The following TRDMT1 variants were observed in gnomAD, a reference collection of about 807,000 sequenced individuals.
TRDMT1 encodes tRNA (cytosine(38)-C(5))-methyltransferase.
A neutral mutation model predicts 51.2 loss-of-function variants in TRDMT1; 49 were observed. The observed-to-expected ratio is 0.96, with a 90% CI of 0.76 to 1.21. The LOEUF (loss-of-function observed/expected upper bound fraction) is 1.21, where lower values mean the gene tolerates loss of function less well. Ranked by LOEUF, TRDMT1 falls within the 50% of genes most tolerant of loss-of-function variation. The probability of loss-of-function intolerance (pLI) is 0.00; values close to 1 mark genes in which losing one functional copy is unlikely to be tolerated. For synonymous variants in TRDMT1, 187 were observed against 164.6 expected, an observed-to-expected ratio of 1.14 and a Z score of -1.04; for missense variants, 534 against 462.3, an observed-to-expected ratio of 1.16 and a Z score of -1.42.
At chr10:17,160,416 G>A in intron 5 of TRDMT1, 42 bp from the exon 6 acceptor site, 2 of 1,322,108 alleles carry the variant, frequency 1.5e-6, no homozygotes, top group Non-Finnish European at 2.1e-6. Flanking sequence ...ACTTGGAAAG[G>A]CAGTTCTTAT....
chr10:17,175,435 G>A (rs185379043), intron 1 of TRDMT1, among the ~76,000 whole-genome samples: 46 of 152,204 alleles, frequency 3.0e-4, no homozygotes, highest in African/African-American at 1.0e-3. Flanking sequence ...AATTGTAGCC[G>A]TAGCTATATT....
chr10:17,154,486 C>T (rs560312713), intron 9 of TRDMT1, among the ~76,000 whole-genome samples, 191 bp downstream of exon 9: 106 of 152,018 alleles, frequency 7.0e-4, no homozygotes, highest in Admixed American at 2.2e-3. Flanking sequence ...TGTGCATATA[C>T]TCATGTAGAG....
rs372845365 is a variant in TRDMT1, at chr10:17,166,341, C to T, written c.251+2500G>A. On this transcript the variant is annotated intron_variant, in intron 3 of 10. Coordinates refer to ENST00000377799, the MANE Select transcript of TRDMT1 (RefSeq NM_004412.7). ...ACAATCAGAACACATGGACACAGGA[C>T]GGGGAACATCACACACCGGGGCCTG... 9.0e-5 allele frequency among the ~76,000 whole-genome samples: 11 copies of T among 122,838 alleles called. No homozygotes were observed. The East Asian group carries it at 1.5e-3, about 17-fold the overall frequency. 80.6% of individuals were successfully genotyped at this position (122,838 alleles called of 152,430 possible). A position where few individuals can be genotyped will look rare whatever the true frequency, so the allele number is the denominator to read the frequency against.
rs1837672112 is a variant in TRDMT1 at position 17,141,365 on chromosome 10, T to C, written c.*7675A>G. Among the ~76,000 whole-genome samples the C allele has an allele frequency of 6.6e-6, 1 of 152,140 alleles. No individual in the cohort carries two copies. Among genetic ancestry groups the C allele is most frequent in the African/African-American group, 2.4e-5 (1 of 41,410 alleles). On this transcript the variant is annotated 3_prime_UTR_variant, in exon 11 of 11. Coordinates refer to ENST00000377799, the MANE Select transcript of TRDMT1 (RefSeq NM_004412.7). ...TTAGTAGAGACGGGGTTTCACCATG[T>C]TGGAAAGGATGGTCTCTATCTCCTG...
At chr10:17,169,513 T>C (rs1314260660) in intron 2 of TRDMT1, 4 of 1,289,848 alleles carry the variant, frequency 3.1e-6, no homozygotes, top group Middle Eastern at 4.3e-4. Flanking sequence ...GCTAAGTAGC[T>C]GAAAACTGTG....
chr10:17,176,822 T>A (rs746314312), intron 1 of TRDMT1, among the ~76,000 whole-genome samples: 1 of 152,192 alleles, frequency 6.6e-6, no homozygotes, highest in Non-Finnish European at 1.5e-5. Flanking sequence ...TAGTATACAG[T>A]TTAAATCTAC....
At chr10:17,162,627 G>A (rs1399994622) in intron 3 of TRDMT1, among the ~76,000 whole-genome samples, 1 of 152,090 alleles carries the variant, frequency 6.6e-6, no homozygotes, top group Non-Finnish European at 1.5e-5. Flanking sequence ...CAGAACACTT[G>A]AGCCCGGGAG....
chr10:17,162,139 AG>A, intron 4 of TRDMT1, 26 bp downstream of exon 4: 1 of 1,578,288 alleles, frequency 6.3e-7, no homozygotes, highest in South Asian at 1.1e-5. Flanking sequence ...ATGAAAGGTA[AG>A]CTTGTACAGG....
At chr10:17,162,388 G>A in intron 3 of TRDMT1, 151 bp from the exon 4 acceptor site, 1 of 684,300 alleles carries the variant, frequency 1.5e-6, no homozygotes, top group South Asian at 2.1e-5. Context: ...TTGTTACAGA[G>A]AAGAAAATAC....
chr10:17,170,082 C>T (rs1479441077), intron 2 of TRDMT1, among the ~76,000 whole-genome samples: 3 of 152,170 alleles, frequency 2.0e-5, no homozygotes, highest in Admixed American at 6.5e-5. Flanking sequence ...AAACAACAAT[C>T]TCTCATAGCA....
chr10:17,179,365 C>G (rs972211976), intron 1 of TRDMT1, among the ~76,000 whole-genome samples: 1 of 152,078 alleles, frequency 6.6e-6, no homozygotes, highest in Non-Finnish European at 1.5e-5. Flanking sequence ...CAGCATTACC[C>G]TTAGTCCTGA....
At chr10:17,163,882 A>G (rs1840777935) in intron 3 of TRDMT1, among the ~76,000 whole-genome samples, 1 of 152,308 alleles carries the variant, frequency 6.6e-6, no homozygotes, top group African/African-American at 2.4e-5. Context: ...TTAATAGCTT[A>G]CCAACCAAAA....
Position 17,149,068 on chromosome 10 carries a change from G to A in TRDMT1, c.1148C>T (p.Ala383Val). The A allele has an allele frequency of 6.2e-7, 1 of 1,610,092 alleles. No individual in the cohort carries two copies. Among genetic ancestry groups the A allele is most frequent in the East Asian group, 2.2e-5 (1 of 44,698 alleles). The change falls in exon 11 of 11, where the codon GCT becomes GTT. Residue 383 changes from alanine (A) to valine (V), a missense_variant. Coordinates refer to ENST00000377799, the MANE Select transcript of TRDMT1 (RefSeq NM_004412.7). ...LGNSLNVHVV[A>V]KLIKILYE Reference sequence around the variant, plus strand: ...TTCATATAAGATTTTGATTAGTTTAGCTACTACATGCACGTTGAGACTATT... The same window carrying A: ...TTCATATAAGATTTTGATTAGTTTAACTACTACATGCACGTTGAGACTATT...
Position 17,145,174 on chromosome 10 carries a change from G to A in TRDMT1, c.*3866C>T, listed in dbSNP as rs995081228. On this transcript the variant is annotated 3_prime_UTR_variant, in exon 11 of 11. Transcript: ENST00000377799. Reference sequence around the variant, plus strand: ...AGGCAGGAAAATCACTTTAACCCAGGAGGGGGAGATTGCAGTGAGCCGAGA... The same window carrying A: ...AGGCAGGAAAATCACTTTAACCCAGAAGGGGGAGATTGCAGTGAGCCGAGA... 1.4e-6 allele frequency: 1 copy of A among 702,384 alleles called. No homozygotes were observed. The highest frequency in any genetic ancestry group is 1.7e-6 in the Non-Finnish European group (1 of 571,756). 43.5% of individuals were successfully genotyped at this position (702,384 alleles called of 1,614,324 possible). A position where few individuals can be genotyped will look rare whatever the true frequency, so the allele number is the denominator to read the frequency against.
intron 6 of TRDMT1, among the ~76,000 whole-genome samples, chr10:17,160,029 T>A (rs1840090370): frequency 6.6e-6 from 1 of 152,158 alleles, no homozygotes; most frequent in Non-Finnish European, 1.5e-5. Flanking sequence ...AATACCAAAC[T>A]TGACGTATTT....
intron 1 of TRDMT1, among the ~76,000 whole-genome samples, chr10:17,188,504 G>A (rs1236148575): frequency 5.3e-5 from 8 of 152,026 alleles, no homozygotes; most frequent in African/African-American, 1.9e-4. Context: ...ATAAAACAAC[G>A]AATCCCTGCT....
In TRDMT1 at chr10:17,145,360, T is replaced by C; in HGVS notation, c.*3680A>G. 1 of 985,418 alleles carries C rather than the reference T, an allele frequency of 1.0e-6. No homozygotes were observed. Among genetic ancestry groups the C allele is most frequent in the Non-Finnish European group, 1.2e-6 (1 of 829,928 alleles). 61.0% of individuals were successfully genotyped at this position (985,418 alleles called of 1,614,324 possible). A position where few individuals can be genotyped will look rare whatever the true frequency, so the allele number is the denominator to read the frequency against. On this transcript the variant is annotated 3_prime_UTR_variant, in exon 11 of 11. Coordinates refer to ENST00000377799, the MANE Select transcript of TRDMT1 (RefSeq NM_004412.7). ...GTGTGACAGAGGTCCAGAAAAGTGC[T>C]TGCTAAGAAGCTGATATGATAGTTG...
At chr10:17,151,347 A>G (rs3780962) in intron 10 of TRDMT1, 524,046 of 984,470 alleles carry the variant, frequency 0.53, 139,652 homozygotes, top group South Asian at 0.58. Context: ...TTTCACCCGT[A>G]AGGACAGGTT....
rs371259833 is a variant in TRDMT1, at chr10:17,157,907, T to C, written c.544-123A>G. The C allele has an allele frequency of 3.0e-4, 215 of 719,158 alleles. 4 individuals are homozygous for C. The South Asian group carries it at 3.9e-3, about 13-fold the overall frequency. 44.5% of individuals were successfully genotyped at this position (719,158 alleles called of 1,614,324 possible). ...CCTTTATGGGGTTGCCATTAAAAGATAGAAATTGTGGTTTACTTGTATTTG... is the reference window on the plus strand; with the variant it reads ...CCTTTATGGGGTTGCCATTAAAAGACAGAAATTGTGGTTTACTTGTATTTG... On this transcript the variant is annotated intron_variant, in intron 7 of 10. Transcript: ENST00000377799.
Sources: gnomAD v4.1 joint callset for allele counts (sites outside exome capture counted in the v4.1 genomes callset) on GRCh38, gnomAD v4.1.1 for gene constraint, MANE v1.5 for transcripts, NCBI Gene and HGNC (gene_info 2026-07-23, HGNC 2026-07-21) for gene names.